Variants in UFSP2 observed in about 807,000 individuals in gnomAD.
UFSP2 encodes ufm1-specific protease 2.
Under a neutral mutation model 60.2 loss-of-function variants are expected in UFSP2, and 43 were observed. The ratio of observed to expected loss-of-function variants is 0.71; its 90% CI spans 0.56 to 0.92. UFSP2 has a LOEUF of 0.92. Ranked by LOEUF, UFSP2 falls within the 40% of genes least tolerant of loss-of-function variation. The probability of loss-of-function intolerance (pLI) is 0.00; values close to 1 mark genes in which losing one functional copy is unlikely to be tolerated. For synonymous variants in UFSP2, 183 were observed against 195.1 expected, an observed-to-expected ratio of 0.94 and a Z score of 0.52; for missense variants, 520 against 575.0, an observed-to-expected ratio of 0.90 and a Z score of 0.98.
At chr4:185,404,427 C>T (rs764474680) in intron 10 of UFSP2, among the ~76,000 whole-genome samples, 4 of 150,500 alleles carry the variant, frequency 2.7e-5, no homozygotes, top group Non-Finnish European at 4.4e-5. Context: ...TCCTGAGTAG[C>T]TGAGACTACA....
intron 2 of UFSP2, among the ~76,000 whole-genome samples, chr4:185,422,019 C>G (rs2095550297): frequency 6.6e-6 from 1 of 152,156 alleles, no homozygotes; most frequent in Non-Finnish European, 1.5e-5. Flanking sequence ...GGCTGTAGTT[C>G]AAGTCAGCAA....
intron 7 of UFSP2, among the ~76,000 whole-genome samples, chr4:185,413,517 G>A (rs549029780): frequency 6.6e-6 from 1 of 152,290 alleles, no homozygotes; most frequent in African/African-American, 2.4e-5. Flanking sequence ...ATTTTAGTAA[G>A]ATAAATGTGG....
chr4:185,400,896 A>T (rs2095512489), intron 11 of UFSP2, among the ~76,000 whole-genome samples: 1 of 152,242 alleles, frequency 6.6e-6, no homozygotes, highest in South Asian at 2.1e-4. Flanking sequence ...GAGAAACCTC[A>T]GCTTGCCCCC....
At chr4:185,414,632 A>G (rs1304350188) in intron 6 of UFSP2, among the ~76,000 whole-genome samples, 1 of 152,174 alleles carries the variant, frequency 6.6e-6, no homozygotes, top group Non-Finnish European at 1.5e-5. Context: ...TATCAAAAAG[A>G]TGCACTCCAA....
chr4:185,400,579 ACTCTAAATGG>A, intron 11 of UFSP2, 101 bp from the exon 12 acceptor site: 1 of 715,342 alleles, frequency 1.4e-6, no homozygotes, highest in South Asian at 2.1e-5. Context: ...TTGGAATAAG[ACTCTAAATGG>A]CTTTATCATT....
rs764322419 is a variant in UFSP2, at chr4:185,403,596, T to C, written c.1221A>G (p.Thr407=). The C allele has an allele frequency of 6.2e-7, 1 of 1,613,196 alleles. No individual in the cohort carries two copies. The highest frequency in any genetic ancestry group is 8.5e-7 in the Non-Finnish European group (1 of 1,179,752). Residue 407 remains threonine, a synonymous_variant, in exon 11 of 12, where the codon ACA becomes ACG. Transcript: ENST00000264689. ...TCTCATTCCATGCAACTCCTAGTAT[T>C]GTGTGGGCCAAAACTCCTCCCCCTA... ...VMIGGGVLAH[T]ILGVAWNEIT...
chr4:185,416,558 G>A (rs991845649), intron 4 of UFSP2, among the ~76,000 whole-genome samples: 6 of 152,174 alleles, frequency 3.9e-5, no homozygotes, highest in African/African-American at 1.4e-4. Context: ...GGGTTGAAGT[G>A]GAACTGGAGG....
chr4:185,424,762 G>A (rs1382180505), intron 1 of UFSP2, among the ~76,000 whole-genome samples: 1 of 152,164 alleles, frequency 6.6e-6, no homozygotes, highest in Admixed American at 6.5e-5. Context: ...TTTTAACTCT[G>A]CTACTTACTG....
chr4:185,411,297 G>A (rs767480992), intron 7 of UFSP2, among the ~76,000 whole-genome samples: 16 of 151,952 alleles, frequency 1.1e-4, no homozygotes, highest in Non-Finnish European at 1.9e-4. Context: ...AAAATGCTAC[G>A]CCAAAATTGT....
chr4:185,418,071 C>CACACACACA (rs761008119), intron 4 of UFSP2, among the ~76,000 whole-genome samples: 22 of 151,808 alleles, frequency 1.4e-4, no homozygotes, highest in South Asian at 4.2e-4. Context: ...CACACACAAA[C>CACACACACA]AACAGAACCA....
Position 185,415,710 on chromosome 4 carries a change from T to C in UFSP2, c.491A>G (p.Lys164Arg). The change falls in exon 5 of 12, where the codon AAA becomes AGA. Residue 164 changes from lysine (K) to arginine (R), a missense_variant and splice_region_variant. By Grantham distance (26) the Lys-to-Arg change is conservative. Transcript: ENST00000264689. ...GCAGTGGTACTATAAAAATACTTAC[T>C]TTCCCCATGTTTCTTCTGGAGCAAC... ...ISVAPEETWG[K>R]VRKLLVDAIH... 6.2e-7 allele frequency: 1 copy of C among 1,606,216 alleles called. No individual in the cohort carries two copies. The highest frequency in any genetic ancestry group is 1.1e-5 in the South Asian group (1 of 89,704).
At position 185,408,730 on chromosome 4, in the gene UFSP2, A is replaced by G. The variant is rs76736088; in HGVS notation, c.832-295T>C. On this transcript the variant is annotated intron_variant, in intron 7 of 11. Coordinates refer to ENST00000264689, the MANE Select transcript of UFSP2 (RefSeq NM_018359.5). ...TTTCGGTTCCCATATACCAGGGGCA[A>G]TATGACCTTGGAGCCTCATGGTTCT... 3.0e-3 allele frequency among the ~76,000 whole-genome samples: 464 copies of G among 152,220 alleles called. 21 individuals carry two copies. The East Asian group carries it at 0.076, about 25-fold the overall frequency.
At chr4:185,418,420 G>A in intron 4 of UFSP2, 21 bp downstream of exon 4, 2 of 1,566,798 alleles carry the variant, frequency 1.3e-6, no homozygotes, top group Non-Finnish European at 1.8e-6. Context: ...TATCAGTACA[G>A]AAGACAGATA....
At chr4:185,407,068 T>G (rs1580054439) in intron 9 of UFSP2, among the ~76,000 whole-genome samples, 1 of 149,896 alleles carries the variant, frequency 6.7e-6, no homozygotes, top group East Asian at 1.9e-4. Context: ...TTTTTTTTTT[T>G]GAAAGGGAGT....
In UFSP2 at chr4:185,411,590, A is replaced by G. The variant is rs76238896; in HGVS notation, c.831+2136T>C. On this transcript the variant is annotated intron_variant, in intron 7 of 11. Transcript: ENST00000264689. ...GAGTTTATTTCATGAATGCACATCTATATTGTTGAGAGATTTGTGCCAAAG... is the reference window on the plus strand; with the variant it reads ...GAGTTTATTTCATGAATGCACATCTGTATTGTTGAGAGATTTGTGCCAAAG... 8.2e-3 allele frequency among the ~76,000 whole-genome samples: 1,249 copies of G among 152,340 alleles called. 29 individuals carry two copies. The East Asian group carries it at 0.086, about 10-fold the overall frequency.
In UFSP2 at chr4:185,425,683, C is replaced by A. The variant is rs545620985; in HGVS notation, c.3+183G>T. Among the ~76,000 whole-genome samples the A allele has an allele frequency of 1.8e-3, 276 of 152,182 alleles. 2 individuals carry two copies. Among genetic ancestry groups the A allele is most frequent in the African/African-American group, 5.6e-3 (234 of 41,510 alleles). On this transcript the variant is annotated intron_variant, in intron 1 of 11. Transcript: ENST00000264689. ...AGGCGGGGTGCACACTTGTGTAGGG[C>A]ACTTTCCCCCCGGCCCAGCGCGGAG...
intron 9 of UFSP2, among the ~76,000 whole-genome samples, chr4:185,407,017 CTTT>C (rs34710879): frequency 0.081 from 8,080 of 99,186 alleles, 372 homozygotes; most frequent in African/African-American, 0.15. Flanking sequence ...TTTGGCTTTT[CTTT>C]TTTTTTTTTT....
rs1407143007 is a variant in UFSP2 at position 185,399,930 on chromosome 4, AC to A, written c.*461del. Reference sequence around the variant, plus strand: ...TGGTTATACTTACCAGAGTCTAGAGACCAAAAATGGGACTGCATGGTGGAAG... The same window carrying A: ...TGGTTATACTTACCAGAGTCTAGAGACAAAAATGGGACTGCATGGTGGAAG... On this transcript the variant is annotated 3_prime_UTR_variant, in exon 12 of 12. Coordinates refer to ENST00000264689, the MANE Select transcript of UFSP2 (RefSeq NM_018359.5). 6.4e-6 allele frequency: 10 copies of A among 1,556,122 alleles called. No individual in the cohort carries two copies. Among genetic ancestry groups the A allele is most frequent in the Non-Finnish European group, 8.7e-6 (10 of 1,155,664 alleles).
intron 1 of UFSP2, 21 bp from the exon 2 acceptor site, chr4:185,422,584 G>T: frequency 6.6e-7 from 1 of 1,524,600 alleles, no homozygotes. Flanking sequence ...TAAAGATAAA[G>T]ACAAACTCCC....
Sources: gnomAD v4.1 joint callset for allele counts (sites outside exome capture counted in the v4.1 genomes callset) on GRCh38, gnomAD v4.1.1 for gene constraint, MANE v1.5 for transcripts, NCBI Gene and HGNC (gene_info 2026-07-23, HGNC 2026-07-21) for gene names.